The following HKDC1 variants were observed in gnomAD, a reference collection of about 807,000 sequenced individuals.
HKDC1 encodes the protein hexokinase HKDC1.
A neutral mutation model predicts 96.6 loss-of-function variants in HKDC1; 66 were observed. That is an observed-to-expected ratio of 0.68 (90% CI 0.56 to 0.84). The LOEUF (loss-of-function observed/expected upper bound fraction) is 0.84, where lower values mean the gene tolerates loss of function less well. Ranked by LOEUF, HKDC1 falls within the 40% of genes least tolerant of loss-of-function variation. HKDC1 has a pLI of 0.00. For missense variants in HKDC1, 1,211 were observed against 1,208.1 expected, an observed-to-expected ratio of 1.00 and a Z score of -0.04; for synonymous variants, 466 against 473.1, an observed-to-expected ratio of 0.98 and a Z score of 0.20.
intron 4 of HKDC1, 72 bp from the exon 5 acceptor site, chr10:69,238,970 T>C (rs1201247032): frequency 1.9e-6 from 2 of 1,070,468 alleles, no homozygotes; most frequent in East Asian, 2.5e-5. Context: ...CACGTAGGCA[T>C]GAAGTTTCTG....
chr10:69,241,214 C>A (rs1449493310), intron 6 of HKDC1, among the ~76,000 whole-genome samples: 1 of 152,092 alleles, frequency 6.6e-6, no homozygotes, highest in South Asian at 2.1e-4. Context: ...GTAGGGAGTC[C>A]CTGCCAAAGG....
intron 16 of HKDC1, among the ~76,000 whole-genome samples, chr10:69,263,168 G>C (rs1843836104): frequency 6.6e-6 from 1 of 152,008 alleles, no homozygotes; most frequent in Non-Finnish European, 1.5e-5. Flanking sequence ...GGGTTCAAGT[G>C]ATCCTCCCAC....
intron 15 of HKDC1, among the ~76,000 whole-genome samples, chr10:69,259,875 G>T (rs1843780898): frequency 2.0e-5 from 3 of 152,150 alleles, no homozygotes; most frequent in South Asian, 4.1e-4. Context: ...CTCCCAGCAG[G>T]CCCCTCCTCC....
chr10:69,261,403 G>T, intron 16 of HKDC1, 109 bp downstream of exon 16: 2 of 1,034,440 alleles, frequency 1.9e-6, no homozygotes, highest in Non-Finnish European at 2.8e-6. Flanking sequence ...GCCCTGGCTG[G>T]GTAAGGGATT....
At chr10:69,250,492 A>G in intron 11 of HKDC1, 41 bp from the exon 12 acceptor site, 2 of 1,613,302 alleles carry the variant, frequency 1.2e-6, no homozygotes, top group Non-Finnish European at 1.7e-6. Context: ...CCCTGCATCG[A>G]TGTCCGCCTG....
Position 69,238,952 on chromosome 10 carries a change from G to A in HKDC1, c.496-90G>A, listed in dbSNP as rs933115538. ...TTCAGCTTAGAGAAGAGAAGGCCAT[G>A]GGGGATGCACGTAGGCATGAAGTTT... On this transcript the variant is annotated intron_variant, in intron 4 of 17. Coordinates refer to ENST00000354624, the MANE Select transcript of HKDC1 (RefSeq NM_025130.4). 12 of 811,862 alleles carry A rather than the reference G, an allele frequency of 1.5e-5. No homozygotes were observed. The Admixed American group carries it at 2.6e-4, about 18-fold the overall frequency. 50.3% of individuals were successfully genotyped at this position (811,862 alleles called of 1,614,324 possible).
At chr10:69,241,529 G>A (rs1278328436) in intron 6 of HKDC1, among the ~76,000 whole-genome samples, 1 of 152,118 alleles carries the variant, frequency 6.6e-6, no homozygotes, top group Non-Finnish European at 1.5e-5. Context: ...TGTCGTCCAG[G>A]CTGGAGTGCA....
chr10:69,265,883 G>A, intron 17 of HKDC1, 65 bp downstream of exon 17: 1 of 1,198,630 alleles, frequency 8.3e-7, no homozygotes, highest in Non-Finnish European at 1.2e-6. Flanking sequence ...TGTGGACTTG[G>A]CATAGCCTCC....
intron 12 of HKDC1, among the ~76,000 whole-genome samples, chr10:69,256,133 T>A (rs1359098746): frequency 2.0e-5 from 3 of 152,198 alleles, no homozygotes; most frequent in East Asian, 3.8e-4. Context: ...TGTGTATGAG[T>A]GTAATTTTAA....
At chr10:69,253,423 C>A (rs1476661461) in intron 12 of HKDC1, among the ~76,000 whole-genome samples, 2 of 152,220 alleles carry the variant, frequency 1.3e-5, no homozygotes, top group Non-Finnish European at 2.9e-5. Flanking sequence ...CACAGAGAGG[C>A]CCAGTGTCCT....
At chr10:69,234,989 G>A (rs554092026) in intron 4 of HKDC1, among the ~76,000 whole-genome samples, 40 of 152,312 alleles carry the variant, frequency 2.6e-4, no homozygotes, top group Non-Finnish European at 5.0e-4. Context: ...GGGGCCTGGC[G>A]TGGTGGCTTT....
chr10:69,239,302 G>C (rs1378443043), intron 5 of HKDC1, among the ~76,000 whole-genome samples, 165 bp downstream of exon 5: 1 of 152,182 alleles, frequency 6.6e-6, no homozygotes, highest in Non-Finnish European at 1.5e-5. Context: ...TACAGATGTG[G>C]CCAACTTGGA....
At chr10:69,233,891 C>T (rs1843318236) in intron 4 of HKDC1, among the ~76,000 whole-genome samples, 1 of 1,768 alleles carries the variant, frequency 5.7e-4, no homozygotes, top group Non-Finnish European at 1.2e-3. Context: ...GAGCAAGACT[C>T]CGTCTCAAAA....
intron 12 of HKDC1, among the ~76,000 whole-genome samples, chr10:69,252,659 A>AC (rs1369957529): frequency 6.6e-6 from 1 of 151,032 alleles, no homozygotes; most frequent in Non-Finnish European, 1.5e-5. Context: ...AAAAAAAAAA[A>AC]AAAACTGTAG....
intron 12 of HKDC1, among the ~76,000 whole-genome samples, chr10:69,252,470 C>T (rs558809515): frequency 3.5e-4 from 53 of 151,892 alleles, no homozygotes; most frequent in Middle Eastern, 3.4e-3. Flanking sequence ...ATGGTGAAAC[C>T]CCGTCTCTAC....
Position 69,261,142 on chromosome 10 carries a change from C to T in HKDC1, c.2220C>T (p.Tyr740=), listed in dbSNP as rs35008643. The T allele has an allele frequency of 7.0e-5, 113 of 1,612,386 alleles. 1 individual carries two copies. The African/African-American group carries it at 9.5e-4, about 14-fold the overall frequency. ...EGSLNPGKQR[Y]EKMTSGMYLG... Reference sequence around the variant, plus strand: ...CTTATCCTTCTTCTCCAAACAGATACGAGAAAATGACCAGTGGGATGTACT... The same window carrying T: ...CTTATCCTTCTTCTCCAAACAGATATGAGAAAATGACCAGTGGGATGTACT... Residue 740 remains tyrosine (Y), a synonymous_variant, in exon 16 of 18, where the codon TAC becomes TAT. Coordinates refer to ENST00000354624, the MANE Select transcript of HKDC1 (RefSeq NM_025130.4).
intron 16 of HKDC1, among the ~76,000 whole-genome samples, chr10:69,264,011 T>C (rs1843850781): frequency 6.6e-6 from 1 of 152,090 alleles, no homozygotes; most frequent in African/African-American, 2.4e-5. Context: ...AATACAAATA[T>C]TAGCTGGGCA....
At chr10:69,225,704 C>T (rs1843144447) in intron 1 of HKDC1, 1 of 152,170 alleles carries the variant, frequency 6.6e-6, no homozygotes, top group Admixed American at 6.6e-5. Flanking sequence ...GTCTGTCGGG[C>T]TTATGCATCC....
rs371194348 is a variant in HKDC1 at position 69,261,289 on chromosome 10, C to T, written c.2367C>T (p.Ile789=). 8 of 1,613,670 alleles carry T rather than the reference C, an allele frequency of 5.0e-6. No homozygotes were observed. Among genetic ancestry groups the T allele is most frequent in the African/African-American group, 1.3e-5 (1 of 74,904 alleles). ...GIFETKFLSQ[I]ESDRLALLQV... is the part of the protein sequence containing the mutation. ...TCGAAACCAAGTTCCTGTCCCAGAT[C>T]GAAAGGTGACCTGTGATCAAGTTCA... The change falls in exon 16 of 18, where the codon ATC becomes ATT. Residue 789 remains isoleucine (I), a synonymous_variant. Coordinates refer to ENST00000354624, the MANE Select transcript of HKDC1 (RefSeq NM_025130.4).
Sources: gnomAD v4.1 joint callset for allele counts (sites outside exome capture counted in the v4.1 genomes callset) on GRCh38, gnomAD v4.1.1 for gene constraint, MANE v1.5 for transcripts, NCBI Gene and HGNC (gene_info 2026-07-23, HGNC 2026-07-21) for gene names.